C1orf21: variants seen among roughly 807,000 people sequenced by gnomAD.
The protein encoded by C1orf21 is uncharacterized protein C1orf21.
C1orf21 carries 3 observed loss-of-function variants against 18.7 expected under a neutral mutation model. The ratio of observed to expected loss-of-function variants is 0.16; its 90% CI spans 0.07 to 0.42. The LOEUF is 0.42. Among genes scored for constraint, C1orf21 ranks in the 10% least tolerant of loss-of-function variants. C1orf21 has a pLI of 0.99. For missense variants in C1orf21, 104 were observed against 143.6 expected, an observed-to-expected ratio of 0.72 and a Z score of 1.41; for synonymous variants, 41 against 46.4, an observed-to-expected ratio of 0.88 and a Z score of 0.47.
intron 1 of C1orf21, among the ~76,000 whole-genome samples, chr1:184,438,289 G>GA (rs36117511): frequency 0.44 from 67,066 of 151,714 alleles, 18,957 homozygotes; most frequent in African/African-American, 0.82. Flanking sequence ...GCTATTTTGA[G>GA]AAAAATTTTC....
At chr1:184,403,948 A>G (rs761206086) in intron 1 of C1orf21, among the ~76,000 whole-genome samples, 7 of 152,364 alleles carry the variant, frequency 4.6e-5, no homozygotes, top group Middle Eastern at 3.4e-3. Flanking sequence ...TATGCAAAAT[A>G]TCATCATAGT....
intron 2 of C1orf21, among the ~76,000 whole-genome samples, chr1:184,503,596 G>C (rs1658009262): frequency 6.6e-6 from 1 of 152,152 alleles, no homozygotes; most frequent in Non-Finnish European, 1.5e-5. Context: ...GATGAGGACA[G>C]TGTAGAAGTA....
chr1:184,552,640 C>A (rs896389658), intron 3 of C1orf21, among the ~76,000 whole-genome samples: 22 of 152,108 alleles, frequency 1.4e-4, no homozygotes, highest in Non-Finnish European at 3.1e-4. Context: ...AACCAAATTT[C>A]CCAGTATTAC....
intron 3 of C1orf21, among the ~76,000 whole-genome samples, chr1:184,534,982 G>A (rs1658528743): frequency 6.6e-6 from 1 of 152,170 alleles, no homozygotes; most frequent in African/African-American, 2.4e-5. Flanking sequence ...GCTGGATCTG[G>A]AGAGGCATGG....
intron 3 of C1orf21, among the ~76,000 whole-genome samples, chr1:184,577,667 G>A (rs1259004592): frequency 6.6e-6 from 1 of 152,058 alleles, no homozygotes; most frequent in Non-Finnish European, 1.5e-5. Context: ...TTTGTTTTTA[G>A]CTTTGACATG....
At chr1:184,477,669 C>T in intron 2 of C1orf21, 66 bp downstream of exon 2, 1 of 1,280,906 alleles carries the variant, frequency 7.8e-7, no homozygotes, top group Non-Finnish European at 1.1e-6. Flanking sequence ...TTTATTGATA[C>T]ATAATATTTG....
At chr1:184,608,764 A>C (rs1160299067) in intron 5 of C1orf21, among the ~76,000 whole-genome samples, 2 of 152,134 alleles carry the variant, frequency 1.3e-5, no homozygotes, top group Admixed American at 1.3e-4. Context: ...CAGGCTCCAT[A>C]ATAAAGTCCC....
intron 4 of C1orf21, among the ~76,000 whole-genome samples, chr1:184,591,883 G>A (rs186774769): frequency 6.6e-6 from 1 of 152,018 alleles, no homozygotes; most frequent in African/African-American, 2.4e-5. Flanking sequence ...ATACATCAGT[G>A]AAAATTAGTG....
chr1:184,421,879 A>G (rs1398148157), intron 1 of C1orf21, among the ~76,000 whole-genome samples: 2 of 146,194 alleles, frequency 1.4e-5, no homozygotes, highest in African/African-American at 5.6e-5. Context: ...GCTCATGACC[A>G]TTGTCTATGG....
intron 1 of C1orf21, among the ~76,000 whole-genome samples, chr1:184,396,651 G>T (rs1339956763): frequency 3.3e-5 from 5 of 152,120 alleles, no homozygotes; most frequent in African/African-American, 1.2e-4. Flanking sequence ...TTATGAGTTT[G>T]CTGTCAGCTC....
intron 3 of C1orf21, among the ~76,000 whole-genome samples, chr1:184,541,146 G>T (rs1449015955): frequency 1.3e-5 from 2 of 152,198 alleles, no homozygotes; most frequent in South Asian, 2.1e-4. Context: ...AAGACATGTT[G>T]TCTGTGACAT....
chr1:184,507,467 C>A, intron 2 of C1orf21, 121 bp from the exon 3 acceptor site: 1 of 742,254 alleles, frequency 1.3e-6, no homozygotes, highest in Non-Finnish European at 2.2e-6. Context: ...TCCAAATGAA[C>A]CACATATGAA....
chr1:184,503,241 G>T (rs942203380), intron 2 of C1orf21, among the ~76,000 whole-genome samples: 4 of 151,992 alleles, frequency 2.6e-5, no homozygotes, highest in Non-Finnish European at 4.4e-5. Flanking sequence ...CCTAAAAGTT[G>T]CTTAATAATG....
intron 1 of C1orf21, 102 bp from the exon 2 acceptor site, chr1:184,477,284 G>C (rs893726059): frequency 1.2e-5 from 6 of 489,132 alleles, no homozygotes; most frequent in African/African-American, 1.2e-4. Flanking sequence ...GTGGGTCTGT[G>C]CATGACTTCT....
chr1:184,583,131 G>T (rs183610025), intron 3 of C1orf21, among the ~76,000 whole-genome samples: 1 of 152,272 alleles, frequency 6.6e-6, no homozygotes, highest in East Asian at 1.9e-4. Context: ...GAGCCACTGT[G>T]CCTGGCCAGG....
chr1:184,566,940 G>T, intron 3 of C1orf21: 1 of 525,110 alleles, frequency 1.9e-6, no homozygotes, highest in Non-Finnish European at 3.9e-6. Context: ...GTCATCAGCA[G>T]CTACAGAAAT....
chr1:184,617,277 T>C (rs1458310120), intron 5 of C1orf21, among the ~76,000 whole-genome samples: 5 of 152,142 alleles, frequency 3.3e-5, no homozygotes, highest in Non-Finnish European at 7.4e-5. Context: ...ACTGGAGATG[T>C]CCACTTTCCT....
At chr1:184,583,144 T>C (rs1340842105) in intron 3 of C1orf21, among the ~76,000 whole-genome samples, 1 of 152,124 alleles carries the variant, frequency 6.6e-6, no homozygotes. Flanking sequence ...TGGCCAGGAA[T>C]GTTTTAAAGA....
intron 1 of C1orf21, among the ~76,000 whole-genome samples, chr1:184,441,521 G>A (rs1420818518): frequency 1.3e-5 from 2 of 152,170 alleles, no homozygotes; most frequent in Non-Finnish European, 2.9e-5. Context: ...TTCCAAAATA[G>A]GAGGGCAGTA....
Sources: gnomAD v4.1 joint callset for allele counts (sites outside exome capture counted in the v4.1 genomes callset) on GRCh38, gnomAD v4.1.1 for gene constraint, MANE v1.5 for transcripts, NCBI Gene and HGNC (gene_info 2026-07-23, HGNC 2026-07-21) for gene names.